Variants in PDPN observed in about 807,000 individuals in gnomAD.
PDPN encodes podoplanin.
A neutral mutation model predicts 23.2 loss-of-function variants in PDPN; 12 were observed. That is an observed-to-expected ratio of 0.52 (90% CI 0.33 to 0.84). The LOEUF is 0.84. PDPN is among the 40% of genes least tolerant of loss of function. PDPN has a pLI of 0.02. For missense variants in PDPN, 199 were observed against 212.2 expected (o/e 0.94, Z 0.39); for synonymous variants, 77 against 76.7 (o/e 1.00, Z -0.02).
intron 1 of PDPN, among the ~76,000 whole-genome samples, chr1:13,589,659 G>A (rs1156793270): frequency 6.6e-6 from 1 of 152,118 alleles, no homozygotes; most frequent in Non-Finnish European, 1.5e-5. Context: ...CAGTGAGACT[G>A]AACCCAGGCT....
chr1:13,589,171 C>T (rs1263738386), intron 1 of PDPN, among the ~76,000 whole-genome samples: 1 of 152,172 alleles, frequency 6.6e-6, no homozygotes, highest in Non-Finnish European at 1.5e-5. Context: ...TGTTTTGTCA[C>T]AGTCTGGAAA....
chr1:13,585,562 C>G (rs1378350361), intron 1 of PDPN: 1 of 1,351,862 alleles, frequency 7.4e-7, no homozygotes, highest in Non-Finnish European at 9.8e-7. Flanking sequence ...AAAGAAAAAG[C>G]TGCTGGGTAA....
chr1:13,602,815 G>A (rs950796229), intron 1 of PDPN, among the ~76,000 whole-genome samples: 4 of 151,906 alleles, frequency 2.6e-5, no homozygotes, highest in African/African-American at 7.2e-5. Context: ...TGATCCACCC[G>A]TCTCAGCCTC....
intron 1 of PDPN, among the ~76,000 whole-genome samples, chr1:13,586,514 G>A (rs924028101): frequency 6.6e-5 from 10 of 152,038 alleles, no homozygotes; most frequent in African/African-American, 2.2e-4. Flanking sequence ...AGCAGCACGC[G>A]AGTGACTCTA....
At chr1:13,589,479 C>T (rs992806909) in intron 1 of PDPN, among the ~76,000 whole-genome samples, 1 of 152,214 alleles carries the variant, frequency 6.6e-6, no homozygotes, top group African/African-American at 2.4e-5. Flanking sequence ...AATATAATAA[C>T]AGCTAGCGTT....
At chr1:13,614,830 C>G (rs550498766) in intron 5 of PDPN, 1 of 518,248 alleles carries the variant, frequency 1.9e-6, no homozygotes, top group South Asian at 1.4e-5. Context: ...AGGACTACAT[C>G]TGAAGTTTCC....
intron 1 of PDPN, among the ~76,000 whole-genome samples, chr1:13,585,936 A>G (rs1457741416): frequency 6.6e-6 from 1 of 152,150 alleles, no homozygotes; most frequent in Non-Finnish European, 1.5e-5. Context: ...CCTACGCCCT[A>G]CTGGGTTTCC....
intron 1 of PDPN, among the ~76,000 whole-genome samples, chr1:13,596,645 G>A (rs938819616): frequency 4.6e-5 from 7 of 152,200 alleles, no homozygotes; most frequent in Non-Finnish European, 1.0e-4. Context: ...ATATTCAGAC[G>A]AGGTCAGGCG....
chr1:13,599,565 T>C (rs374736506), intron 1 of PDPN, among the ~76,000 whole-genome samples: 2 of 151,842 alleles, frequency 1.3e-5, no homozygotes, highest in East Asian at 3.9e-4. Context: ...TTTGTATTTT[T>C]AGTAGAGACG....
intron 1 of PDPN, among the ~76,000 whole-genome samples, chr1:13,585,310 A>G (rs981499647): frequency 2.0e-5 from 3 of 152,214 alleles, no homozygotes; most frequent in Non-Finnish European, 4.4e-5. Context: ...TCTCAGGGAA[A>G]TGACAGAGTT....
chr1:13,617,122 T>TCCAG lies in PDPN; in HGVS notation c.*1214_*1217dup, dbSNP rs1641091231. 6.7e-6 allele frequency: 1 copy of TCCAG among 150,076 alleles called. No homozygotes were observed. Among genetic ancestry groups the TCCAG allele is most frequent in the East Asian group, 2.0e-4 (1 of 5,118 alleles). 9.3% of individuals were successfully genotyped at this position (150,076 alleles called of 1,614,324 possible). On this transcript the variant is annotated 3_prime_UTR_variant, in exon 6 of 6. Transcript: ENST00000621990. ...AAGGGGTCATTCTGTCTCAGCACCA[T>TCCAG]CCAGCCTGGCACTTCTCTTCCCATA... is the stretch of plus-strand genomic sequence containing the variant.
rs1316529307 is a variant in PDPN at position 13,612,879 on chromosome 1, G to T, written c.332-808G>T. ...GATTTTAGGGCAGGGCCTGATTGAT[G>T]ATTAACTTCTAAATCAAGGCATCTT... On this transcript the variant is annotated intron_variant, in intron 3 of 5. Coordinates refer to ENST00000621990, the MANE Select transcript of PDPN (RefSeq NM_006474.5). 1.5e-3 allele frequency among the ~76,000 whole-genome samples: 22 copies of T among 14,492 alleles called. No individual in the cohort carries two copies. The East Asian group carries it at 0.099, about 65-fold the overall frequency. 9.5% of individuals were successfully genotyped at this position (14,492 alleles called of 152,430 possible).
intron 1 of PDPN, among the ~76,000 whole-genome samples, chr1:13,590,114 C>T (rs571774906): frequency 4.6e-5 from 7 of 152,360 alleles, no homozygotes; most frequent in Admixed American, 1.3e-4. Context: ...AGGCGTAAGC[C>T]ACCGCTCCCT....
At chr1:13,606,588 A>G (rs1640795087) in intron 1 of PDPN, among the ~76,000 whole-genome samples, 1 of 152,088 alleles carries the variant, frequency 6.6e-6, no homozygotes, top group Admixed American at 6.6e-5. Flanking sequence ...GGATCGCTTG[A>G]GCCCAGGAGT....
intron 1 of PDPN, among the ~76,000 whole-genome samples, chr1:13,605,349 C>T (rs373223526): frequency 6.6e-6 from 1 of 152,236 alleles, no homozygotes; most frequent in Non-Finnish European, 1.5e-5. Flanking sequence ...CCCCCTCGCT[C>T]CTGGGATGTG....
intron 1 of PDPN, among the ~76,000 whole-genome samples, chr1:13,594,276 A>G (rs1313029700): frequency 1.3e-5 from 2 of 152,208 alleles, no homozygotes; most frequent in African/African-American, 4.8e-5. Flanking sequence ...ATACTAGTTT[A>G]GAGGAGATTA....
intron 1 of PDPN, among the ~76,000 whole-genome samples, chr1:13,592,142 A>G (rs1213338718): frequency 6.6e-6 from 1 of 152,240 alleles, no homozygotes; most frequent in East Asian, 1.9e-4. Context: ...TCCTTTGCTC[A>G]CTAAAGTTGA....
At chr1:13,614,826 A>G (rs1365040534) in intron 5 of PDPN, 3 of 518,120 alleles carry the variant, frequency 5.8e-6, no homozygotes, top group Non-Finnish European at 1.2e-5. Flanking sequence ...CAAAAGGACT[A>G]CATCTGAAGT....
chr1:13,615,577 C>T (rs183180156), intron 5 of PDPN, among the ~76,000 whole-genome samples: 8 of 152,114 alleles, frequency 5.3e-5, no homozygotes, highest in African/African-American at 1.7e-4. Context: ...TGAGCCACCG[C>T]ACCCAGCCAA....
Sources: gnomAD v4.1 joint callset for allele counts (sites outside exome capture counted in the v4.1 genomes callset) on GRCh38, gnomAD v4.1.1 for gene constraint, MANE v1.5 for transcripts, NCBI Gene and HGNC (gene_info 2026-07-23, HGNC 2026-07-21) for gene names.